The following ARNT2 variants were observed in gnomAD, a reference collection of about 807,000 sequenced individuals.
The protein encoded by ARNT2 is aryl hydrocarbon receptor nuclear translocator 2, also known as ARNT protein 2.
In ARNT2, 36 loss-of-function variants were observed where a neutral mutation model predicts 91.7. The observed-to-expected ratio is 0.39, with a 90% confidence interval of 0.30 to 0.52. The LOEUF is 0.52. ARNT2 is among the 20% of genes least tolerant of loss of function. The pLI, the probability that ARNT2 is intolerant of heterozygous loss-of-function variation, is 0.72. For missense variants in ARNT2, 775 were observed against 939.3 expected (o/e 0.83, Z 2.29); for synonymous variants, 365 against 347.1 (o/e 1.05, Z -0.57).
intron 11 of ARNT2, among the ~76,000 whole-genome samples, chr15:80,561,848 A>C (rs1898362129): frequency 6.6e-6 from 1 of 152,224 alleles, no homozygotes; most frequent in Admixed American, 6.5e-5. Flanking sequence ...AAAGTGCAAG[A>C]ATAGTGATGC....
intron 8 of ARNT2, among the ~76,000 whole-genome samples, chr15:80,533,261 G>T (rs1897767167): frequency 6.6e-6 from 1 of 152,208 alleles, no homozygotes; most frequent in Non-Finnish European, 1.5e-5. Flanking sequence ...AAGGGGAGCA[G>T]GGGCAGGTGG....
intron 5 of ARNT2, among the ~76,000 whole-genome samples, chr15:80,478,092 C>G (rs1182242998): frequency 6.6e-6 from 1 of 152,158 alleles, no homozygotes; most frequent in Non-Finnish European, 1.5e-5. Flanking sequence ...ATATAGAAAT[C>G]CTAAGGGACA....
chr15:80,458,225 C>A (rs1039491347), intron 3 of ARNT2, among the ~76,000 whole-genome samples: 6 of 151,984 alleles, frequency 3.9e-5, no homozygotes, highest in Non-Finnish European at 5.9e-5. Flanking sequence ...AAATTAATGT[C>A]AATTTTAAGG....
chr15:80,453,641 C>T (rs1042888503), intron 2 of ARNT2, among the ~76,000 whole-genome samples: 1 of 152,226 alleles, frequency 6.6e-6, no homozygotes, highest in Non-Finnish European at 1.5e-5. Context: ...TCACTCTCAT[C>T]GAAATGCAGG....
intron 1 of ARNT2, among the ~76,000 whole-genome samples, chr15:80,425,774 A>G (rs1331082114): frequency 2.0e-5 from 3 of 151,982 alleles, no homozygotes; most frequent in Non-Finnish European, 2.9e-5. Flanking sequence ...GGGGCCAGGC[A>G]TAGTAGCTCA....
At chr15:80,433,377 C>T (rs186256526) in intron 1 of ARNT2, among the ~76,000 whole-genome samples, 44 of 151,692 alleles carry the variant, frequency 2.9e-4, no homozygotes, top group Non-Finnish European at 5.7e-4. Flanking sequence ...CCTCTGCCTC[C>T]CAGGTTCAAG....
intron 1 of ARNT2, among the ~76,000 whole-genome samples, chr15:80,411,016 T>G (rs1171537849): frequency 6.6e-6 from 1 of 152,184 alleles, no homozygotes; most frequent in Admixed American, 6.5e-5. Context: ...CTTCTTGGAA[T>G]GATTAATTGC....
At chr15:80,579,105 C>T (rs1326946211) in intron 15 of ARNT2, among the ~76,000 whole-genome samples, 4 of 152,230 alleles carry the variant, frequency 2.6e-5, no homozygotes, top group Admixed American at 1.3e-4. Context: ...GCGCTTTGCC[C>T]CAAGAAGCCC....
intron 1 of ARNT2, among the ~76,000 whole-genome samples, chr15:80,412,951 G>C (rs997119212): frequency 6.6e-6 from 1 of 152,166 alleles, no homozygotes; most frequent in Admixed American, 6.5e-5. Flanking sequence ...CCCTATCCTT[G>C]GCAGGTTCCG....
At position 80,470,200 on chromosome 15, in the gene ARNT2, C is replaced by T. The variant is rs773687274; in HGVS notation, c.195-18C>T. Reference sequence around the variant, plus strand: ...TTCTCTTTTTTCCCCCTCTCCTGATCTCGTGCTTTCTGGAAAGAGAGAATC... The same window carrying T: ...TTCTCTTTTTTCCCCCTCTCCTGATTTCGTGCTTTCTGGAAAGAGAGAATC... On this transcript the variant is annotated intron_variant, in intron 3 of 18. Transcript: ENST00000303329. 1 of 1,609,278 alleles carries T rather than the reference C, an allele frequency of 6.2e-7. No individual in the cohort carries two copies. The highest frequency in any genetic ancestry group is 2.2e-5 in the East Asian group (1 of 44,816).
intron 6 of ARNT2, among the ~76,000 whole-genome samples, chr15:80,510,721 C>G (rs893448394): frequency 6.6e-6 from 1 of 151,900 alleles, no homozygotes; most frequent in Non-Finnish European, 1.5e-5. Context: ...CCCTGCTACT[C>G]GGGAGGCTGA....
chr15:80,470,541 C>A, intron 4 of ARNT2, 110 bp downstream of exon 4: 1 of 1,226,176 alleles, frequency 8.2e-7, no homozygotes, highest in Non-Finnish European at 1.1e-6. Context: ...GGAATGAAGC[C>A]AACATGTTTT....
chr15:80,458,624 G>A (rs11072918), intron 3 of ARNT2, among the ~76,000 whole-genome samples: 85,974 of 151,782 alleles, frequency 0.57, 24,560 homozygotes, highest in East Asian at 0.75. Context: ...TATACACATT[G>A]CATACGTGAA....
At chr15:80,489,360 A>G (rs1188455905) in intron 5 of ARNT2, among the ~76,000 whole-genome samples, 1 of 152,158 alleles carries the variant, frequency 6.6e-6, no homozygotes, top group Non-Finnish European at 1.5e-5. Flanking sequence ...ATTTTTGTAG[A>G]TTCTTTTCTT....
At chr15:80,431,557 G>A (rs374430818) in intron 1 of ARNT2, among the ~76,000 whole-genome samples, 4 of 152,196 alleles carry the variant, frequency 2.6e-5, no homozygotes, top group African/African-American at 4.8e-5. Flanking sequence ...CGGATGGGCC[G>A]TAGTAGGGGA....
chr15:80,471,336 A>G (rs1453876428), intron 4 of ARNT2, among the ~76,000 whole-genome samples: 1 of 152,224 alleles, frequency 6.6e-6, no homozygotes, highest in African/African-American at 2.4e-5. Flanking sequence ...ATGAGAACAC[A>G]TGGACACAAA....
intron 5 of ARNT2, among the ~76,000 whole-genome samples, chr15:80,495,966 C>T (rs963484278): frequency 3.3e-5 from 5 of 152,232 alleles, no homozygotes; most frequent in Admixed American, 6.5e-5. Context: ...CTCTGTGCTG[C>T]CTTTGCATTT....
intron 5 of ARNT2, among the ~76,000 whole-genome samples, chr15:80,485,772 T>A (rs768189087): frequency 6.2e-4 from 94 of 152,190 alleles, no homozygotes; most frequent in Non-Finnish European, 8.8e-5. Flanking sequence ...AGATGTGAGA[T>A]GCTCACTCTG....
At chr15:80,497,499 C>T (rs1439631093) in intron 5 of ARNT2, among the ~76,000 whole-genome samples, 1 of 152,246 alleles carries the variant, frequency 6.6e-6, no homozygotes, top group African/African-American at 2.4e-5. Context: ...GTGGATTCTT[C>T]TGCAGGGCCT....
Sources: allele counts gnomAD v4.1 joint callset (sites outside exome capture counted in the v4.1 genomes callset), GRCh38; gene constraint gnomAD v4.1.1; transcripts MANE v1.5; gene names NCBI Gene and HGNC (gene_info 2026-07-23, HGNC 2026-07-21).